The following ANXA2 variants were observed in gnomAD, a reference collection of about 807,000 sequenced individuals.
ANXA2 encodes annexin A2.
A neutral mutation model predicts 47.3 loss-of-function variants in ANXA2; 28 were observed. That is an observed-to-expected ratio of 0.59 (90% CI 0.44 to 0.81). The LOEUF is 0.81. Among genes scored for constraint, ANXA2 ranks in the 40% least tolerant of loss-of-function variants. The pLI is 0.00. For missense variants in ANXA2, 384 were observed against 414.3 expected (o/e 0.93, Z 0.64); for synonymous variants, 172 against 155.5 (o/e 1.11, Z -0.79).
Position 60,351,265 on chromosome 15 carries a change from A to G in ANXA2, c.779-14T>C. The G allele has an allele frequency of 6.2e-7, 1 of 1,613,926 alleles. No homozygotes were observed. The highest frequency in any genetic ancestry group is 2.2e-5 in the East Asian group (1 of 44,894). ...GAATGCACTGAACTGTGGAGAGAAG[A>G]AAGGGAGTCAGCGCTGCAGCTGCTC... On this transcript the variant is annotated splice_polypyrimidine_tract_variant and intron_variant, in intron 10 of 12. Transcript: ENST00000451270.
At chr15:60,389,625 A>G (rs1179950770) in intron 1 of ANXA2, among the ~76,000 whole-genome samples, 4 of 152,170 alleles carry the variant, frequency 2.6e-5, no homozygotes, top group African/African-American at 9.7e-5. Flanking sequence ...CTTTCATCAA[A>G]TCAGTCCTGC....
In ANXA2 at chr15:60,352,609, T is replaced by C. The variant is rs2062367153; in HGVS notation, c.589-133A>G. 10 of 675,850 alleles carry C rather than the reference T, an allele frequency of 1.5e-5. No individual in the cohort carries two copies. The highest frequency in any genetic ancestry group is 2.4e-5 in the Non-Finnish European group (9 of 381,370). 41.9% of individuals were successfully genotyped at this position (675,850 alleles called of 1,614,324 possible). ...AGGAAAGATGATTATACTGCAGACA[T>C]GGGCAGAGACCTACTATTTAGGTCA... On this transcript the variant is annotated intron_variant, in intron 8 of 12. Coordinates refer to ENST00000451270, the MANE Select transcript of ANXA2 (RefSeq NM_004039.3). This position sits in a 1 kb window ranked among gnomAD's most constrained non-coding sequence, Gnocchi z 4.2.
chr15:60,347,221 G>T lies in ANXA2; in HGVS notation c.*409C>A, dbSNP rs925589277. ...ACACTTGGATAGGGGCAACCATACT[G>T]TACAGCTCAGTCCCAGAGCTTTCTT... On this transcript the variant is annotated 3_prime_UTR_variant, in exon 13 of 13. Coordinates refer to ENST00000451270, the MANE Select transcript of ANXA2 (RefSeq NM_004039.3). 4.7e-6 allele frequency: 1 copy of T among 214,650 alleles called. No homozygotes were observed. Among genetic ancestry groups the T allele is most frequent in the African/African-American group, 2.3e-5 (1 of 43,374 alleles). The allele number at this position is 214,650 out of a possible 1,614,324, so 13.3% of individuals were successfully genotyped here. A position where few individuals can be genotyped will look rare whatever the true frequency, so the allele number is the denominator to read the frequency against.
intron 4 of ANXA2, among the ~76,000 whole-genome samples, chr15:60,363,937 G>A (rs1368207815): frequency 6.6e-6 from 1 of 152,192 alleles, no homozygotes; most frequent in Admixed American, 6.5e-5. Flanking sequence ...CACAGTGCCT[G>A]GCCCAAAGTA....
At chr15:60,390,265 A>C in intron 1 of ANXA2, 1 of 1,048,122 alleles carries the variant, frequency 9.5e-7, no homozygotes, top group Non-Finnish European at 1.2e-6. Context: ...TGCCTTTTGT[A>C]TCCATATAAA....
chr15:60,367,213 A>G (rs1294946247), intron 3 of ANXA2, among the ~76,000 whole-genome samples: 43 of 28,088 alleles, frequency 1.5e-3, no homozygotes, highest in Admixed American at 3.0e-3. Flanking sequence ...TCCGGGAGGG[A>G]GGTGGGGGGG....
chr15:60,366,807 G>C (rs1290335590), intron 3 of ANXA2, among the ~76,000 whole-genome samples: 1 of 123,996 alleles, frequency 8.1e-6, no homozygotes, highest in Non-Finnish European at 1.8e-5. Context: ...GGAGGCGGGG[G>C]GGGGGGGGGT....
intron 2 of ANXA2, 188 bp from the exon 3 acceptor site, chr15:60,382,629 T>C: frequency 2.1e-6 from 1 of 465,870 alleles, no homozygotes; most frequent in Non-Finnish European, 3.9e-6. Context: ...TAATAAGAAT[T>C]CTTCAAAGGC....
intron 3 of ANXA2, among the ~76,000 whole-genome samples, chr15:60,366,921 T>C (rs1236511458): frequency 8.1e-5 from 3 of 37,236 alleles, no homozygotes; most frequent in East Asian, 1.7e-3. Context: ...CCGCCCCTAC[T>C]GGGAAGTGAG....
chr15:60,364,338 A>G, intron 4 of ANXA2, 91 bp downstream of exon 4: 3 of 1,013,148 alleles, frequency 3.0e-6, no homozygotes, highest in Admixed American at 2.2e-5. Context: ...TCTTTTGCGC[A>G]TGAGAGCCAC....
chr15:60,370,367 A>G (rs780599026), intron 3 of ANXA2, among the ~76,000 whole-genome samples: 2 of 152,200 alleles, frequency 1.3e-5, no homozygotes, highest in Non-Finnish European at 2.9e-5. Context: ...AACTGGAAAG[A>G]GGAAAAAATC....
chr15:60,354,099 C>T, intron 8 of ANXA2, 55 bp downstream of exon 8: 3 of 1,436,246 alleles, frequency 2.1e-6, no homozygotes, highest in Non-Finnish European at 1.9e-6. Flanking sequence ...ACTATATAGA[C>T]TATCCAGAGA....
intron 1 of ANXA2, among the ~76,000 whole-genome samples, chr15:60,389,642 C>T (rs1595709632): frequency 6.6e-6 from 1 of 152,324 alleles, no homozygotes; most frequent in East Asian, 1.9e-4. Context: ...CTGCATGCCA[C>T]CACCAACTAA....
chr15:60,380,149 T>C (rs369468276), intron 3 of ANXA2, among the ~76,000 whole-genome samples: 3 of 152,220 alleles, frequency 2.0e-5, no homozygotes, highest in African/African-American at 7.2e-5. Flanking sequence ...TGTGTGTGCA[T>C]GTGCTTGTAC....
At chr15:60,353,875 G>A (rs563638431) in intron 8 of ANXA2, among the ~76,000 whole-genome samples, 1 of 152,294 alleles carries the variant, frequency 6.6e-6, no homozygotes, top group East Asian at 1.9e-4. Flanking sequence ...CATGTGAAGT[G>A]CACCATCTTG....
intron 4 of ANXA2, chr15:60,363,029 C>CCAAAAA (rs2062539612): frequency 1.4e-5 from 1 of 74,034 alleles, no homozygotes; most frequent in African/African-American, 5.2e-5. Flanking sequence ...GACCCTGTCA[C>CCAAAAA]AAAAAAAAAA....
chr15:60,378,982 A>C (rs1219963801), intron 3 of ANXA2, among the ~76,000 whole-genome samples: 1 of 151,296 alleles, frequency 6.6e-6, no homozygotes, highest in Non-Finnish European at 1.5e-5. Context: ...ATATATAAAT[A>C]AGTAAATAAA....
intron 3 of ANXA2, among the ~76,000 whole-genome samples, chr15:60,382,097 G>A (rs1035738710): frequency 6.6e-6 from 1 of 150,990 alleles, no homozygotes; most frequent in African/African-American, 2.4e-5. Flanking sequence ...CAGGAAGAAG[G>A]GAGAAAGAGA....
chr15:60,387,663 C>A (rs1008606715), intron 1 of ANXA2, among the ~76,000 whole-genome samples: 4 of 152,168 alleles, frequency 2.6e-5, no homozygotes, highest in East Asian at 1.9e-4. Flanking sequence ...ATGATTCTAT[C>A]TGATATTGTA....
Sources: allele counts gnomAD v4.1 joint callset (sites outside exome capture counted in the v4.1 genomes callset), GRCh38; gene constraint gnomAD v4.1.1; non-coding constraint Gnocchi (gnomAD v3.1); transcripts MANE v1.5; gene names NCBI Gene and HGNC (gene_info 2026-07-23, HGNC 2026-07-21).